The following ZNF592 variants were observed in gnomAD, a reference collection of about 807,000 sequenced individuals.
The protein encoded by ZNF592 is zinc finger protein 592.
A neutral mutation model predicts 80.3 loss-of-function variants in ZNF592; 11 were observed. The ratio of observed to expected loss-of-function variants is 0.14; its 90% CI spans 0.09 to 0.23. The LOEUF (loss-of-function observed/expected upper bound fraction) is 0.23. ZNF592 is among the 10% of genes least tolerant of loss of function. The probability of loss-of-function intolerance (pLI) is 1.00; values close to 1 mark genes in which losing one functional copy is unlikely to be tolerated. For synonymous variants in ZNF592, 646 were observed against 640.3 expected, an observed-to-expected ratio of 1.01 and a Z score of -0.13; for missense variants, 1,420 against 1,633.9, an observed-to-expected ratio of 0.87 and a Z score of 2.26.
In ZNF592 at chr15:84,801,980, T is replaced by A; in HGVS notation, c.3391T>A (p.Phe1131Ile). The A allele has an allele frequency of 6.2e-7, 1 of 1,613,922 alleles. No homozygotes were observed. The highest frequency in any genetic ancestry group is 1.1e-5 in the South Asian group (1 of 91,074). The change falls in exon 11 of 11, where the codon TTT (phenylalanine) becomes ATT (isoleucine). Residue 1131 changes from phenylalanine (F) to isoleucine (I), a missense_variant. By Grantham distance (21) the Phe-to-Ile change is conservative. Around this residue, in one of 7 missense-constraint regions of ZNF592, gnomAD observed 145 missense variants for 211.9 expected, o/e 0.68. Transcript: ENST00000560079. The stretch of plus-strand genomic sequence containing the variant: ...CCTTTTTCAGTGCGCGAAATGTAGT[T>A]TTGCCACAGACTCGGGGCTCGAGTT... ...KSLFQCAKCSFATDSGLEFQS... is the reference protein window; with the variant it reads ...KSLFQCAKCSIATDSGLEFQS...
chr15:84,787,235 C>CCT (rs1962615578), intron 4 of ZNF592, among the ~76,000 whole-genome samples: 1 of 152,152 alleles, frequency 6.6e-6, no homozygotes, highest in African/African-American at 2.4e-5. Flanking sequence ...CATCTTACAT[C>CCT]CTCTCTGTGT....
chr15:84,799,132 A>G lies in ZNF592; in HGVS notation c.3059A>G (p.Gln1020Arg). Residue 1020 changes from glutamine (Q) to arginine (R), a missense_variant, in exon 9 of 11, where the codon CAG becomes CGG. Coordinates refer to ENST00000560079, the MANE Select transcript of ZNF592 (RefSeq NM_014630.3). The surrounding 1 kb of genome is among the most constrained non-coding windows in gnomAD (Gnocchi z 4.2). The part of the protein sequence containing the change: ...LKRYPCRQCE[Q>R]SFHTPNSLRK... Reference sequence around the variant, plus strand: ...CGGTACCCATGCCGGCAGTGTGAACAGTCCTTCCACACCCCCAACAGCCTG... The same window carrying G: ...CGGTACCCATGCCGGCAGTGTGAACGGTCCTTCCACACCCCCAACAGCCTG... The G allele has an allele frequency of 1.9e-6, 3 of 1,614,176 alleles. No individual in the cohort carries two copies. The highest frequency in any genetic ancestry group is 2.5e-6 in the Non-Finnish European group (3 of 1,180,016).
At chr15:84,755,416 A>C (rs933219937) in intron 1 of ZNF592, among the ~76,000 whole-genome samples, 1 of 152,020 alleles carries the variant, frequency 6.6e-6, no homozygotes, top group African/African-American at 2.4e-5. Flanking sequence ...ATAGACATGC[A>C]CCACTGTGCC....
At chr15:84,786,841 C>CTTTTTTTTTTTTTTTTTT (rs35391255) in intron 4 of ZNF592, among the ~76,000 whole-genome samples, 1 of 70,818 alleles carries the variant, frequency 1.4e-5, no homozygotes, top group African/African-American at 6.0e-5. Flanking sequence ...CCTTACGTAT[C>CTTTTTTTTTTTTTTTTTT]TTTTTTTTTT....
chr15:84,801,544 A>G (rs1441354598), intron 10 of ZNF592, among the ~76,000 whole-genome samples: 2 of 152,312 alleles, frequency 1.3e-5, no homozygotes, highest in Non-Finnish European at 2.9e-5. Flanking sequence ...ATTTTGTAAA[A>G]GACAATAGTT....
intron 1 of ZNF592, among the ~76,000 whole-genome samples, chr15:84,763,355 G>A (rs754174560): frequency 6.6e-6 from 1 of 152,208 alleles, no homozygotes; most frequent in Non-Finnish European, 1.5e-5. Flanking sequence ...GCATGATTGC[G>A]CATGTGAGAG....
chr15:84,757,176 A>G (rs1303137163), intron 1 of ZNF592, among the ~76,000 whole-genome samples: 1 of 152,068 alleles, frequency 6.6e-6, no homozygotes, highest in Non-Finnish European at 1.5e-5. Context: ...AGCCAGTCTC[A>G]AACTCCTGGC....
chr15:84,799,317 A>C lies in ZNF592; in HGVS notation c.3137+107A>C. ...CAAGATCAGGTGTCTAAGACAAGAG[A>C]CAAGTGATTTCCAACTGGAAGAAAT... On this transcript the variant is annotated intron_variant, in intron 9 of 10. Coordinates refer to ENST00000560079, the MANE Select transcript of ZNF592 (RefSeq NM_014630.3). The surrounding 1 kb of genome is among the most constrained non-coding windows in gnomAD (Gnocchi z 4.2). The C allele has an allele frequency of 8.5e-7, 1 of 1,181,118 alleles. No homozygotes were observed. Among genetic ancestry groups the C allele is most frequent in the Non-Finnish European group, 1.3e-6 (1 of 792,792 alleles). The allele number at this position is 1,181,118 out of a possible 1,614,324, so 73.2% of individuals were successfully genotyped here.
At position 84,804,654 on chromosome 15, in the gene ZNF592, A is replaced by T. The variant is rs979521335; in HGVS notation, c.*2261A>T. The stretch of plus-strand genomic sequence containing the variant: ...TGAATGTGAAAGTATTTTCTAGTTT[A>T]TAAAACACTATATGAATGTGGGGAA... On this transcript the variant is annotated 3_prime_UTR_variant, in exon 11 of 11. Coordinates refer to ENST00000560079, the MANE Select transcript of ZNF592 (RefSeq NM_014630.3). The T allele has an allele frequency of 2.0e-5, 3 of 152,258 alleles. No homozygotes were observed. Among genetic ancestry groups the T allele is most frequent in the Non-Finnish European group, 4.4e-5 (3 of 68,050 alleles). 9.4% of individuals were successfully genotyped at this position (152,258 alleles called of 1,614,324 possible). A position where few individuals can be genotyped will look rare whatever the true frequency, so the allele number is the denominator to read the frequency against.
At chr15:84,778,817 T>C (rs1962341006) in intron 3 of ZNF592, among the ~76,000 whole-genome samples, 2 of 152,194 alleles carry the variant, frequency 1.3e-5, no homozygotes, top group African/African-American at 2.4e-5. Context: ...CTAAGGGTCC[T>C]CGGAAGAATG....
At position 84,784,403 on chromosome 15, in the gene ZNF592, G is replaced by A. The variant is rs150459952; in HGVS notation, c.1728G>A (p.Ala576=). ...ATGCGCCAAATCTCAGCCCGCCTGCGGACAGCAGGATCCACGTGCCGGCCA... is the reference window on the plus strand; with the variant it reads ...ATGCGCCAAATCTCAGCCCGCCTGCAGACAGCAGGATCCACGTGCCGGCCA... ...PLYAPNLSPP[A]DSRIHVPASG... The change falls in exon 4 of 11, where the codon GCG becomes GCA. Residue 576 remains alanine, a synonymous_variant. Coordinates refer to ENST00000560079, the MANE Select transcript of ZNF592 (RefSeq NM_014630.3). This position sits in a 1 kb window ranked among gnomAD's most constrained non-coding sequence, Gnocchi z 5.8. The A allele has an allele frequency of 1.3e-4, 212 of 1,614,066 alleles. 1 individual carries two copies. The highest frequency in any genetic ancestry group is 9.3e-4 in the South Asian group (85 of 91,090).
intron 1 of ZNF592, among the ~76,000 whole-genome samples, chr15:84,760,125 T>C (rs1283963438): frequency 7.0e-6 from 1 of 142,602 alleles, no homozygotes; most frequent in Non-Finnish European, 1.6e-5. Context: ...TGAGGATAAG[T>C]GGTTAAAAAA....
rs1962467685 is a variant in ZNF592, at chr15:84,783,084, A to C, written c.409A>C (p.Thr137Pro). 1.2e-6 allele frequency: 2 copies of C among 1,613,828 alleles called. No homozygotes were observed. Among genetic ancestry groups the C allele is most frequent in the African/African-American group, 2.7e-5 (2 of 74,826 alleles). ...GCCTCCCAAGTCAGAGCCATTACCC[A>C]CCTTCAACCAGTTCAGTCCAATCTC... ...LEPPKSEPLPTFNQFSPISSP... is the reference protein window; with the variant it reads ...LEPPKSEPLPPFNQFSPISSP... The change falls in exon 4 of 11, where the codon ACC (threonine) becomes CCC (proline). Residue 137 changes from threonine to proline, a missense_variant. Physicochemically the swap from Thr to Pro is conservative, Grantham distance 38. Around this residue, in one of 7 missense-constraint regions of ZNF592, gnomAD observed 373 missense variants for 355.5 expected, o/e 1.05. Coordinates refer to ENST00000560079, the MANE Select transcript of ZNF592 (RefSeq NM_014630.3). The surrounding 1 kb of genome is among the most constrained non-coding windows in gnomAD (Gnocchi z 5.0).
Position 84,798,489 on chromosome 15 carries a change from G to A in ZNF592, c.2736+15G>A, listed in dbSNP as rs757648310. The A allele has an allele frequency of 1.0e-4, 162 of 1,613,728 alleles. 4 individuals carry two copies. In the South Asian group the frequency reaches 1.3e-3, roughly 13 times the overall value. ...AACACGTCAAGGTGGGATGCCTTGCGGGAGGAGGCCGGGGAGGAGGGCACA... is the reference window on the plus strand; with the variant it reads ...AACACGTCAAGGTGGGATGCCTTGCAGGAGGAGGCCGGGGAGGAGGGCACA... On this transcript the variant is annotated intron_variant, in intron 7 of 10. Coordinates refer to ENST00000560079, the MANE Select transcript of ZNF592 (RefSeq NM_014630.3). The surrounding 1 kb of genome is among the most constrained non-coding windows in gnomAD (Gnocchi z 4.5).
At position 84,801,926 on chromosome 15, in the gene ZNF592, A is replaced by G. The variant is rs779600928; in HGVS notation, c.3337A>G (p.Thr1113Ala). 4 of 1,613,850 alleles carry G rather than the reference A, an allele frequency of 2.5e-6. No individual in the cohort carries two copies. The Admixed American group carries it at 5.0e-5, about 20-fold the overall frequency. ...GDAPGTSNGATVSSTKRHKSL... is the reference protein window; with the variant it reads ...GDAPGTSNGAAVSSTKRHKSL... ...CGCTCCAGGCACCAGCAATGGCGCAACTGTCTCTTCCACCAAAAGGCACAA... is the reference window on the plus strand; with the variant it reads ...CGCTCCAGGCACCAGCAATGGCGCAGCTGTCTCTTCCACCAAAAGGCACAA... Residue 1113 changes from threonine (T) to alanine (A), a missense_variant, in exon 11 of 11, where the codon ACT becomes GCT. Thr to Ala is a moderately conservative substitution (Grantham distance 58, BLOSUM62 0). This residue lies in a region of ZNF592 where 145 missense variants were observed against 211.9 expected (regional missense o/e 0.68). Coordinates refer to ENST00000560079, the MANE Select transcript of ZNF592 (RefSeq NM_014630.3).
At chr15:84,767,326 AAC>A (rs1396972839) in intron 2 of ZNF592, among the ~76,000 whole-genome samples, 1 of 152,032 alleles carries the variant, frequency 6.6e-6, no homozygotes, top group Non-Finnish European at 1.5e-5. Flanking sequence ...GTACCCGGCC[AAC>A]ACTGTTTTCT....
chr15:84,791,815 A>C (rs1962757921), intron 5 of ZNF592, among the ~76,000 whole-genome samples: 1 of 152,372 alleles, frequency 6.6e-6, no homozygotes, highest in South Asian at 2.1e-4. Flanking sequence ...CTGACCAGGA[A>C]TAACAGCATA....
At chr15:84,769,537 C>T (rs987548320) in intron 2 of ZNF592, among the ~76,000 whole-genome samples, 6 of 150,428 alleles carry the variant, frequency 4.0e-5, no homozygotes, top group African/African-American at 1.5e-4. Flanking sequence ...GTGGTGACTG[C>T]AGAGGCTCAG....
chr15:84,787,325 C>G (rs1049958459), intron 4 of ZNF592, among the ~76,000 whole-genome samples: 3 of 152,186 alleles, frequency 2.0e-5, no homozygotes, highest in African/African-American at 4.8e-5. Context: ...TCAGGCCTCT[C>G]TCAGCCAGCT....
Sources: allele counts gnomAD v4.1 joint callset (sites outside exome capture counted in the v4.1 genomes callset), GRCh38; gene constraint gnomAD v4.1.1; regional missense constraint gnomAD v4.1.1; non-coding constraint Gnocchi (gnomAD v3.1); transcripts MANE v1.5; gene names NCBI Gene and HGNC (gene_info 2026-07-23, HGNC 2026-07-21).